BAHCC1: variants seen among roughly 807,000 people sequenced by gnomAD.
BAHCC1 encodes the protein BAH and coiled-coil domain-containing protein 1.
A neutral mutation model predicts 88.2 loss-of-function variants in BAHCC1; 43 were observed. The observed-to-expected ratio is 0.49, with a 90% CI of 0.38 to 0.63. The LOEUF (loss-of-function observed/expected upper bound fraction) is 0.63. Among genes scored for constraint, BAHCC1 ranks in the 20% least tolerant of loss-of-function variants. The pLI is 0.00. For missense variants in BAHCC1, 3,023 were observed against 1,654.8 expected (o/e 1.83, Z -14.34); for synonymous variants, 1,510 against 745.5 (o/e 2.03, Z -16.71).
intron 2 of BAHCC1, among the ~76,000 whole-genome samples, chr17:81,412,952 G>A (rs2063972947): frequency 6.6e-6 from 1 of 152,194 alleles, no homozygotes; most frequent in Non-Finnish European, 1.5e-5. Flanking sequence ...GAGAGTGAGA[G>A]AGCGCAGGAC....
rs563831731 is a variant in BAHCC1 at position 81,447,769 on chromosome 17, A to G, written c.3897A>G (p.Ser1299=). Residue 1299 remains serine, a synonymous_variant, in exon 11 of 28, where the codon TCA becomes TCG. Coordinates refer to ENST00000675386, the MANE Select transcript of BAHCC1 (RefSeq NM_001377448.1). ...GCACAGTCCCCCTGCCTCATAGCTC[A>G]GGGATTCATGGGATCGCTCTGCTCA... ...PPSTVPLPHS[S]GIHGIALLSE... The G allele has an allele frequency of 2.9e-5, 22 of 749,392 alleles. No individual in the cohort carries two copies. Among genetic ancestry groups the G allele is most frequent in the Non-Finnish European group, 4.5e-5 (18 of 402,986 alleles). 46.4% of individuals were successfully genotyped at this position (749,392 alleles called of 1,614,324 possible). A position where few individuals can be genotyped will look rare whatever the true frequency, so the allele number is the denominator to read the frequency against.
At chr17:81,424,938 ATAG>A (rs1291876084) in intron 2 of BAHCC1, among the ~76,000 whole-genome samples, 5 of 135,928 alleles carry the variant, frequency 3.7e-5, no homozygotes, top group Admixed American at 7.3e-5. Context: ...GTTGGTGCTG[ATAG>A]TGGTGGGTGA....
chr17:81,406,689 C>T (rs369631944), intron 2 of BAHCC1, among the ~76,000 whole-genome samples: 1 of 152,250 alleles, frequency 6.6e-6, no homozygotes, highest in African/African-American at 2.4e-5. Flanking sequence ...ATATTACTGC[C>T]TCCCGTGGCC....
In BAHCC1 at chr17:81,442,617, G is replaced by A. The variant is rs200268922; in HGVS notation, c.1268G>A (p.Arg423Gln). 170 of 776,136 alleles carry A rather than the reference G, an allele frequency of 2.2e-4. 1 individual carries two copies. In the East Asian group the frequency reaches 3.0e-3, roughly 14 times the overall value. 48.1% of individuals were successfully genotyped at this position (776,136 alleles called of 1,614,324 possible). A position where few individuals can be genotyped will look rare whatever the true frequency, so the allele number is the denominator to read the frequency against. The change falls in exon 5 of 28, where the codon CGG (arginine) becomes CAG (glutamine). Residue 423 changes from arginine to glutamine, a missense_variant. Transcript: ENST00000675386. Reference sequence around the variant, plus strand: ...GCCGTGGCAGGGGAGGGCAAGGACCGGCACCTGGAGGGAACCATGGCCCCC... The same window carrying A: ...GCCGTGGCAGGGGAGGGCAAGGACCAGCACCTGGAGGGAACCATGGCCCCC... ...ACAVAGEGKD[R>Q]HLEGTMAPDH...
At chr17:81,406,797 C>T (rs933991150) in intron 2 of BAHCC1, 10 of 438,198 alleles carry the variant, frequency 2.3e-5, no homozygotes, top group Non-Finnish European at 3.2e-5. Flanking sequence ...GCGCCCAGGT[C>T]CTGGTTATGA....
Position 81,445,031 on chromosome 17 carries a change from G to A in BAHCC1, c.2688G>A (p.Gln896=), listed in dbSNP as rs1295300048. The A allele has an allele frequency of 6.5e-6, 5 of 764,562 alleles. No individual in the cohort carries two copies. Among genetic ancestry groups the A allele is most frequent in the Middle Eastern group, 2.3e-4 (1 of 4,420 alleles). 47.4% of individuals were successfully genotyped at this position (764,562 alleles called of 1,614,324 possible). A position where few individuals can be genotyped will look rare whatever the true frequency, so the allele number is the denominator to read the frequency against. Residue 896 remains glutamine, a synonymous_variant, in exon 9 of 28, where the codon CAG becomes CAA. Coordinates refer to ENST00000675386, the MANE Select transcript of BAHCC1 (RefSeq NM_001377448.1). ...TGCCCACAGCGGATGTCATGGACCAGGCGTCACTGTGGCCCCCCATGTACG... is the reference window on the plus strand; with the variant it reads ...TGCCCACAGCGGATGTCATGGACCAAGCGTCACTGTGGCCCCCCATGTACG... ...APHALADVMD[Q]ASLWPPMYGG...
Position 81,459,264 on chromosome 17 carries a change from T to C in BAHCC1, c.5732T>C (p.Val1911Ala), listed in dbSNP as rs1555658463. ...TLQPPDIYSI[V>A]IEGERGNRQR... ...CCCAATGCCCCCAGCTATAGCATCG[T>C]CATCGAGGGCGAGAGGGGCAACCGG... The change falls in exon 22 of 28, where the codon GTC becomes GCC. Residue 1911 changes from valine (V) to alanine (A), a missense_variant. Coordinates refer to ENST00000675386, the MANE Select transcript of BAHCC1 (RefSeq NM_001377448.1). 1.3e-6 allele frequency: 1 copy of C among 779,258 alleles called. No individual in the cohort carries two copies. The highest frequency in any genetic ancestry group is 1.3e-5 in the South Asian group (1 of 74,582). The allele number at this position is 779,258 out of a possible 1,614,324, so 48.3% of individuals were successfully genotyped here.
Position 81,463,061 on chromosome 17 carries a change from C to T in BAHCC1, c.7620+85C>T. 18 of 687,138 alleles carry T rather than the reference C, an allele frequency of 2.6e-5. No homozygotes were observed. In the South Asian group the frequency reaches 2.8e-4, roughly 11 times the overall value. The allele number at this position is 687,138 out of a possible 1,614,324, so 42.6% of individuals were successfully genotyped here. A position where few individuals can be genotyped will look rare whatever the true frequency, so the allele number is the denominator to read the frequency against. ...CAGCAGCCAGCACTGTGCCCCAACA[C>T]GGAGCACCTGGCCCCACCACACAGC... is the stretch of plus-strand genomic sequence containing the variant. On this transcript the variant is annotated intron_variant, in intron 27 of 27. Coordinates refer to ENST00000675386, the MANE Select transcript of BAHCC1 (RefSeq NM_001377448.1).
At chr17:81,453,376 G>A (rs1033832528) in intron 14 of BAHCC1, among the ~76,000 whole-genome samples, 2 of 152,254 alleles carry the variant, frequency 1.3e-5, no homozygotes, top group Admixed American at 6.5e-5. Context: ...TAAATCCTCC[G>A]AGCTCCTCCA....
rs375299063 is a variant in BAHCC1, at chr17:81,424,784, G to A, written c.179-2016G>A. ...GTGTTGATGTGGTTGGTGGTGGTGG[G>A]TGATGTGGTTTGTGGTGATAGTGCT... On this transcript the variant is annotated intron_variant, in intron 2 of 27. Coordinates refer to ENST00000675386, the MANE Select transcript of BAHCC1 (RefSeq NM_001377448.1). 4.8e-4 allele frequency among the ~76,000 whole-genome samples: 73 copies of A among 151,750 alleles called. No homozygotes were observed. The East Asian group carries it at 0.013, about 28-fold the overall frequency.
chr17:81,413,694 C>T (rs926937214), intron 2 of BAHCC1, among the ~76,000 whole-genome samples: 1 of 152,228 alleles, frequency 6.6e-6, no homozygotes. Context: ...GGAGGCAGCC[C>T]GCTCGGACCA....
At position 81,445,637 on chromosome 17, in the gene BAHCC1, G is replaced by C. The variant is rs1189320247; in HGVS notation, c.3119G>C (p.Gly1040Ala). 1 of 734,276 alleles carries C rather than the reference G, an allele frequency of 1.4e-6. No individual in the cohort carries two copies. Among genetic ancestry groups the C allele is most frequent in the Non-Finnish European group, 2.5e-6 (1 of 395,370 alleles). 45.5% of individuals were successfully genotyped at this position (734,276 alleles called of 1,614,324 possible). ...SRVRSAEEKN[G>A]EGQQSTADII... is the part of the protein sequence containing the mutation. Reference sequence around the variant, plus strand: ...GTGCGCAGCGCCGAGGAAAAGAATGGGGAGGGTCAGCAGTCCACGGCCGAC... The same window carrying C: ...GTGCGCAGCGCCGAGGAAAAGAATGCGGAGGGTCAGCAGTCCACGGCCGAC... Residue 1040 changes from glycine (G) to alanine (A), a missense_variant, in exon 10 of 28, where the codon GGG (glycine) becomes GCG (alanine). Physicochemically the swap from Gly to Ala is moderately conservative, Grantham distance 60 (BLOSUM62 0). Coordinates refer to ENST00000675386, the MANE Select transcript of BAHCC1 (RefSeq NM_001377448.1).
At chr17:81,460,245 T>A (rs1164548030) in intron 23 of BAHCC1, 32 bp from the exon 24 acceptor site, 1 of 737,182 alleles carries the variant, frequency 1.4e-6, no homozygotes, top group Non-Finnish European at 2.5e-6. Flanking sequence ...TACTGGGGGT[T>A]CCAGCTGCAA....
chr17:81,414,259 G>C (rs1311553038), intron 2 of BAHCC1, among the ~76,000 whole-genome samples: 1 of 152,250 alleles, frequency 6.6e-6, no homozygotes, highest in African/African-American at 2.4e-5. Flanking sequence ...TTCAGCGAGG[G>C]CCAATGCCTG....
At position 81,442,140 on chromosome 17, in the gene BAHCC1, A is replaced by G; in HGVS notation, c.791A>G (p.Glu264Gly). ...LPVPADGHCR[E>G]GGPAPRGACE... ...GTGCCAGCCGACGGGCACTGCAGGG[A>G]GGGCGGCCCCGCACCCCGAGGGGCC... Residue 264 changes from glutamate to glycine, a missense_variant, in exon 5 of 28, where the codon GAG becomes GGG. Coordinates refer to ENST00000675386, the MANE Select transcript of BAHCC1 (RefSeq NM_001377448.1). The G allele has an allele frequency of 1.5e-6, 1 of 662,698 alleles. No individual in the cohort carries two copies. Among genetic ancestry groups the G allele is most frequent in the African/African-American group, 1.9e-5 (1 of 53,520 alleles). The allele number at this position is 662,698 out of a possible 1,614,324, so 41.1% of individuals were successfully genotyped here.
chr17:81,400,401 C>G (rs1555645872), intron 2 of BAHCC1, among the ~76,000 whole-genome samples: 1 of 152,146 alleles, frequency 6.6e-6, no homozygotes, highest in African/African-American at 2.4e-5. Context: ...TTAATAGGGA[C>G]TGCTGGTGTA....
In BAHCC1 at chr17:81,416,513, G is replaced by A. The variant is rs1244498185; in HGVS notation, c.179-10287G>A. On this transcript the variant is annotated intron_variant, in intron 2 of 27. Transcript: ENST00000675386. ...GATGGGTGTGTGCATGTGTGCGTGT[G>A]TGTCCATGAGGATGGGTGTGTGCGT... Among the ~76,000 whole-genome samples the A allele has an allele frequency of 1.3e-3, 193 of 149,450 alleles. 7 individuals carry two copies. Among genetic ancestry groups the A allele is most frequent in the African/African-American group, 4.5e-3 (181 of 40,128 alleles).
chr17:81,403,652 C>T (rs1257789837), intron 2 of BAHCC1, among the ~76,000 whole-genome samples: 3 of 152,148 alleles, frequency 2.0e-5, no homozygotes, highest in Non-Finnish European at 4.4e-5. Flanking sequence ...TTCTTAAATA[C>T]CTCATTAACT....
At chr17:81,406,761 G>GA (rs2063885222) in intron 2 of BAHCC1, among the ~76,000 whole-genome samples, 3 of 152,352 alleles carry the variant, frequency 2.0e-5, no homozygotes, top group Admixed American at 6.5e-5. Context: ...CTGAGGGGAT[G>GA]TGGTGGCAGG....
Sources: gnomAD v4.1 joint callset for allele counts (sites outside exome capture counted in the v4.1 genomes callset) on GRCh38, gnomAD v4.1.1 for gene constraint, MANE v1.5 for transcripts, NCBI Gene and HGNC (gene_info 2026-07-23, HGNC 2026-07-21) for gene names.